GAREM2: variants seen among roughly 807,000 people sequenced by gnomAD.
GAREM2 encodes the protein GRB2-associated and regulator of MAPK protein 2.
Under a neutral mutation model 55.6 loss-of-function variants are expected in GAREM2, and 30 were observed. That is an observed-to-expected ratio of 0.54 (90% CI 0.40 to 0.73). The LOEUF (loss-of-function observed/expected upper bound fraction) is 0.73. Among genes scored for constraint, GAREM2 ranks in the 30% least tolerant of loss-of-function variants. GAREM2 has a pLI of 0.00. For synonymous variants in GAREM2, 550 were observed against 569.1 expected, an observed-to-expected ratio of 0.97 and a Z score of 0.48; for missense variants, 1,075 against 1,257.7, an observed-to-expected ratio of 0.85 and a Z score of 2.20.
At chr2:26,187,095 G>GTC in intron 5 of GAREM2, 136 bp from the exon 6 acceptor site, 1 of 1,271,408 alleles carries the variant, frequency 7.9e-7, no homozygotes, top group Non-Finnish European at 9.9e-7. Context: ...ATTCCGGAGG[G>GTC]TCTTGGGCTG....
downstream of GAREM2, chr2:26,189,793 T>C (rs1669435721): frequency 6.6e-6 from 1 of 152,296 alleles, no homozygotes; most frequent in Admixed American, 6.5e-5. Flanking sequence ...CCCATGTCTG[T>C]GGAGGCGGCT....
In GAREM2 at chr2:26,187,612, TGGCCCTGCGTATTCCCCA is replaced by T; in HGVS notation, c.1986_2003del (p.Tyr664_Ala669del). The stretch of plus-strand genomic sequence containing the variant: ...CCACCTCGGGTCCTGTGGCTACCTC[TGGCCCTGCGTATTCCCCA>T]GGCCCAGCCTCGCCAGGCCAGGCCT... On this transcript the variant is annotated inframe_deletion, in exon 6 of 6. Coordinates refer to ENST00000401533, the MANE Select transcript of GAREM2 (RefSeq NM_001168241.2). 6.5e-7 allele frequency: 1 copy of T among 1,549,792 alleles called. No individual in the cohort carries two copies. Among genetic ancestry groups the T allele is most frequent in the Non-Finnish European group, 8.7e-7 (1 of 1,145,972 alleles).
At chr2:26,201,513 G>A in the GAREM2 span, among the ~76,000 whole-genome samples, 1 of 152,130 alleles carries the variant, frequency 6.6e-6, no homozygotes, top group East Asian at 1.9e-4. Context: ...ATAAGGGAGG[G>A]TGCTAGCATT....
rs537109242 is a variant in GAREM2, at chr2:26,183,177, T to A, written c.384+80T>A. 24 of 1,483,570 alleles carry A rather than the reference T, an allele frequency of 1.6e-5. No individual in the cohort carries two copies. In the African/African-American group the frequency reaches 2.9e-4, roughly 18 times the overall value. The allele number at this position is 1,483,570 out of a possible 1,614,324, so 91.9% of individuals were successfully genotyped here. A position where few individuals can be genotyped will look rare whatever the true frequency, so the allele number is the denominator to read the frequency against. On this transcript the variant is annotated intron_variant, in intron 3 of 5. Transcript: ENST00000401533. Reference sequence around the variant, plus strand: ...GCAACCCTGACTCTGGTTGGAAGGTTGCCCTCAGGATCCAAGAAGGAGAGC... The same window carrying A: ...GCAACCCTGACTCTGGTTGGAAGGTAGCCCTCAGGATCCAAGAAGGAGAGC...
intron 4 of GAREM2, among the ~76,000 whole-genome samples, chr2:26,185,809 G>GT (rs1272333161): frequency 6.6e-6 from 1 of 152,206 alleles, no homozygotes; most frequent in Non-Finnish European, 1.5e-5. Context: ...AGGGATGCAG[G>GT]TGGCAGACGC....
At chr2:26,191,534 C>G, downstream of GAREM2, 1 of 1,614,198 alleles carries the variant, frequency 6.2e-7, no homozygotes, top group South Asian at 1.1e-5. Context: ...ATGTCTCCCT[C>G]TGCAGGTGTG....
rs975777459 is a variant in GAREM2, at chr2:26,179,894, C to T, written c.254-3073C>T. On this transcript the variant is annotated intron_variant, in intron 2 of 5. Transcript: ENST00000401533. The surrounding 1 kb of genome is among the most constrained non-coding windows in gnomAD (Gnocchi z 4.7). The stretch of plus-strand genomic sequence containing the variant: ...CACAGGGGGCAGTGGGCATTGCTCC[C>T]TGCCTGGCTACTTGTGGTTGGGGCA... 2.6e-5 allele frequency among the ~76,000 whole-genome samples: 4 copies of T among 151,670 alleles called. No individual in the cohort carries two copies. Among genetic ancestry groups the T allele is most frequent in the African/African-American group, 9.7e-5 (4 of 41,328 alleles).
At chr2:26,200,049 C>T in the GAREM2 span, among the ~76,000 whole-genome samples, 4 of 152,156 alleles carry the variant, frequency 2.6e-5, no homozygotes, top group Admixed American at 6.5e-5. Flanking sequence ...AGAGGACAAC[C>T]GAAACGGGGT....
the GAREM2 span, among the ~76,000 whole-genome samples, chr2:26,198,732 T>G: frequency 6.6e-6 from 1 of 151,432 alleles, no homozygotes. Flanking sequence ...GTATTTGTGA[T>G]AAAGATCCCA....
chr2:26,190,030 G>A (rs1365200064), downstream of GAREM2, among the ~76,000 whole-genome samples: 2 of 152,220 alleles, frequency 1.3e-5, no homozygotes, highest in Non-Finnish European at 2.9e-5. Flanking sequence ...TTTGGAAACC[G>A]GTTAATGGCT....
Position 26,187,223 on chromosome 2 carries a change from G to C in GAREM2, c.1599-8G>C. The stretch of plus-strand genomic sequence containing the variant: ...GTCCTATGTGTGTGTGTCTGTCTCT[G>C]TCCACAGGGCGGGTTCCCGCAGTGG... On this transcript the variant is annotated splice_polypyrimidine_tract_variant and splice_region_variant and intron_variant, in intron 5 of 5. Transcript: ENST00000401533. The C allele has an allele frequency of 1.4e-6, 2 of 1,444,792 alleles. No individual in the cohort carries two copies. Among genetic ancestry groups the C allele is most frequent in the Non-Finnish European group, 9.1e-7 (1 of 1,093,510 alleles). 89.5% of individuals were successfully genotyped at this position (1,444,792 alleles called of 1,614,324 possible).
At chr2:26,193,775 G>C, downstream of GAREM2, 1 of 1,613,674 alleles carries the variant, frequency 6.2e-7, no homozygotes, top group Non-Finnish European at 8.5e-7. Flanking sequence ...ACTCCTTCCT[G>C]AACAGGAAGC....
the GAREM2 span, among the ~76,000 whole-genome samples, chr2:26,197,949 C>T: frequency 2.0e-5 from 3 of 152,132 alleles, no homozygotes; most frequent in African/African-American, 4.8e-5. Flanking sequence ...GGTTTTGTGT[C>T]GGGGAATATG....
rs746879943 is a variant in GAREM2, at chr2:26,184,784, G to A, written c.936G>A (p.Pro312=). The change falls in exon 4 of 6, where the codon CCG becomes CCA. Residue 312 remains proline, a synonymous_variant. Coordinates refer to ENST00000401533, the MANE Select transcript of GAREM2 (RefSeq NM_001168241.2). The part of the protein sequence containing the change: ...GLALRREGPA[P]LHFLLLTDTP... The stretch of plus-strand genomic sequence containing the variant: ...CGCTGCGCCGCGAGGGCCCGGCGCC[G>A]CTGCACTTCCTGCTGCTCACGGACA... 2.7e-6 allele frequency: 4 copies of A among 1,500,312 alleles called. No individual in the cohort carries two copies. The highest frequency in any genetic ancestry group is 2.1e-5 in the Admixed American group (1 of 46,656). The allele number at this position is 1,500,312 out of a possible 1,614,324, so 92.9% of individuals were successfully genotyped here. A position where few individuals can be genotyped will look rare whatever the true frequency, so the allele number is the denominator to read the frequency against.
At chr2:26,183,205 C>A in intron 3 of GAREM2, 108 bp downstream of exon 3, 1 of 1,263,726 alleles carries the variant, frequency 7.9e-7, no homozygotes, top group Admixed American at 2.1e-5. Flanking sequence ...AGGAGAGCGG[C>A]TCCTGGGGAC....
At chr2:26,177,088 A>G (rs1028038359) in intron 2 of GAREM2, among the ~76,000 whole-genome samples, 2 of 152,238 alleles carry the variant, frequency 1.3e-5, no homozygotes, top group Non-Finnish European at 2.9e-5. Flanking sequence ...TGTTTGAAGA[A>G]AGGATTCTGT....
chr2:26,182,918 C>T, intron 2 of GAREM2, 49 bp from the exon 3 acceptor site: 1 of 1,545,928 alleles, frequency 6.5e-7, no homozygotes. Context: ...GCAGGCTAGA[C>T]TCCCAGCAGG....
chr2:26,183,132 C>T (rs1178096293), intron 3 of GAREM2, 35 bp downstream of exon 3: 1 of 1,548,448 alleles, frequency 6.5e-7, no homozygotes, highest in African/African-American at 1.4e-5. Flanking sequence ...GGTGTCCCCA[C>T]ACTACTCCTT....
intron 4 of GAREM2, 82 bp from the exon 5 acceptor site, chr2:26,186,107 C>T: frequency 2.2e-6 from 3 of 1,352,574 alleles, no homozygotes; most frequent in South Asian, 1.5e-5. Context: ...AGACAGCCCC[C>T]TCGCCCAGCT....
Sources: gnomAD v4.1 joint callset for allele counts (sites outside exome capture counted in the v4.1 genomes callset) on GRCh38, gnomAD v4.1.1 for gene constraint, Gnocchi (gnomAD v3.1) non-coding constraint, MANE v1.5 for transcripts, NCBI Gene and HGNC (gene_info 2026-07-23, HGNC 2026-07-21) for gene names.